The following CEP63 variants were observed in gnomAD, a reference collection of about 807,000 sequenced individuals.
CEP63 encodes centrosomal protein 63, also known as centrosomal protein of 63 kDa.
In CEP63, 84 loss-of-function variants were observed where a neutral mutation model predicts 89.1. The ratio of observed to expected loss-of-function variants is 0.94; its 90% CI spans 0.79 to 1.13. The LOEUF (loss-of-function observed/expected upper bound fraction) is 1.13. CEP63 is among the 50% of genes most tolerant of loss of function. The pLI is 0.00. For missense variants in CEP63, 838 were observed against 813.3 expected, an observed-to-expected ratio of 1.03 and a Z score of -0.37; for synonymous variants, 267 against 272.5, an observed-to-expected ratio of 0.98 and a Z score of 0.20.
At chr3:134,581,129 C>A (rs1233065851) in intron 10 of CEP63, among the ~76,000 whole-genome samples, 4 of 152,160 alleles carry the variant, frequency 2.6e-5, no homozygotes, top group Non-Finnish European at 5.9e-5. Context: ...TCCCATAGAC[C>A]TTCCAGGAAA....
In CEP63 at chr3:134,562,260, G is replaced by T; in HGVS notation, c.*725G>T. ...ACAAAGATCTGGATGTTGATGTGCC[G>T]CAGGCATTTGAAACGATGGGAGTTG... On this transcript the variant is annotated 3_prime_UTR_variant, in exon 15 of 15. Transcript: ENST00000675561. 2.1e-6 allele frequency: 2 copies of T among 968,750 alleles called. No individual in the cohort carries two copies. The highest frequency in any genetic ancestry group is 2.5e-6 in the Non-Finnish European group (2 of 814,456). The allele number at this position is 968,750 out of a possible 1,614,324, so 60.0% of individuals were successfully genotyped here.
At chr3:134,495,189 T>A (rs923926140) in intron 1 of CEP63, 107 bp from the exon 2 acceptor site, 24 of 824,842 alleles carry the variant, frequency 2.9e-5, no homozygotes, top group Non-Finnish European at 4.6e-5. Context: ...AAGTGCTGCA[T>A]TTTTTCATTA....
the CEP63 span, among the ~76,000 whole-genome samples, chr3:134,671,573 T>G: frequency 6.6e-6 from 1 of 152,258 alleles, no homozygotes; most frequent in South Asian, 2.1e-4. Flanking sequence ...TGTGGGTATT[T>G]GTGATATTAC....
chr3:134,605,149 G>T, the CEP63 span, among the ~76,000 whole-genome samples: 1 of 152,114 alleles, frequency 6.6e-6, no homozygotes, highest in African/African-American at 2.4e-5. Context: ...TTGCTCTGAA[G>T]TTTCATCTTC....
the CEP63 span, chr3:134,628,234 C>A: frequency 5.3e-6 from 1 of 187,408 alleles, no homozygotes; most frequent in Admixed American, 5.5e-5. Context: ...AAGGGGAAAG[C>A]AGTTCGTGTG....
chr3:134,489,480 A>G (rs757256878), intron 1 of CEP63, among the ~76,000 whole-genome samples: 3 of 152,164 alleles, frequency 2.0e-5, no homozygotes, highest in Non-Finnish European at 4.4e-5. Flanking sequence ...TGATGTTAAC[A>G]TTAAACATTA....
intron 9 of CEP63, 65 bp downstream of exon 9, chr3:134,547,537 T>G (rs1953703728): frequency 7.6e-7 from 1 of 1,314,268 alleles, no homozygotes; most frequent in African/African-American, 1.5e-5. Flanking sequence ...ATCATCATAT[T>G]GTAAATGAAT....
the CEP63 span, among the ~76,000 whole-genome samples, chr3:134,761,242 T>C: frequency 3.8e-4 from 58 of 152,224 alleles, 1 homozygote; most frequent in Admixed American, 3.8e-3. Flanking sequence ...GCTCTGCCCA[T>C]TTGTTCTCCC....
chr3:134,512,967 A>C (rs1309449474), intron 3 of CEP63, among the ~76,000 whole-genome samples: 1 of 152,184 alleles, frequency 6.6e-6, no homozygotes, highest in Non-Finnish European at 1.5e-5. Context: ...AAACATACCT[A>C]CCATTGATTC....
the CEP63 span, among the ~76,000 whole-genome samples, chr3:134,781,520 G>T: frequency 3.9e-5 from 6 of 152,214 alleles, no homozygotes; most frequent in African/African-American, 1.4e-4. Flanking sequence ...AGGCGGGAGA[G>T]GGTGGTGGGC....
At chr3:134,548,800 A>G (rs1954169512) in intron 9 of CEP63, among the ~76,000 whole-genome samples, 1 of 152,194 alleles carries the variant, frequency 6.6e-6, no homozygotes, top group African/African-American at 2.4e-5. Context: ...TACTTGAGAT[A>G]GTCTTTGTTA....
At chr3:134,731,221 C>A in the CEP63 span, among the ~76,000 whole-genome samples, 1 of 152,246 alleles carries the variant, frequency 6.6e-6, no homozygotes, top group African/African-American at 2.4e-5. Context: ...CAAGTCAACA[C>A]ATGTTTTTAA....
chr3:134,657,781 C>T, the CEP63 span, among the ~76,000 whole-genome samples: 1 of 152,174 alleles, frequency 6.6e-6, no homozygotes, highest in Non-Finnish European at 1.5e-5. Flanking sequence ...TGCCTATTTA[C>T]ACTCATTAGC....
chr3:134,498,441 T>C (rs889934183), intron 2 of CEP63, among the ~76,000 whole-genome samples: 8 of 152,248 alleles, frequency 5.3e-5, no homozygotes, highest in Non-Finnish European at 8.8e-5. Context: ...CTTTATCAGT[T>C]CTAAGACTTT....
chr3:134,701,015 G>A, the CEP63 span, among the ~76,000 whole-genome samples: 1 of 74,318 alleles, frequency 1.3e-5, no homozygotes, highest in Non-Finnish European at 2.8e-5. Context: ...CTATGAGTTA[G>A]TTCTGCTTTT....
the CEP63 span, among the ~76,000 whole-genome samples, chr3:134,700,531 C>G: frequency 6.6e-6 from 1 of 152,272 alleles, no homozygotes; most frequent in African/African-American, 2.4e-5. Context: ...TTTCTACCAC[C>G]CTTATACTGT....
At position 134,562,034 on chromosome 3, in the gene CEP63, A is replaced by G. The variant is rs1384090068; in HGVS notation, c.*499A>G. Reference sequence around the variant, plus strand: ...AGCCCCTCCTAGCCAAGGGGCTGGTAGTGTGTAAAGTCAGGCTGGTAGTGA... The same window carrying G: ...AGCCCCTCCTAGCCAAGGGGCTGGTGGTGTGTAAAGTCAGGCTGGTAGTGA... On this transcript the variant is annotated 3_prime_UTR_variant, in exon 15 of 15. Coordinates refer to ENST00000675561, the MANE Select transcript of CEP63 (RefSeq NM_001353108.3). 4.0e-6 allele frequency: 4 copies of G among 1,008,580 alleles called. No individual in the cohort carries two copies. The highest frequency in any genetic ancestry group is 4.7e-6 in the Non-Finnish European group (4 of 844,232). The allele number at this position is 1,008,580 out of a possible 1,614,324, so 62.5% of individuals were successfully genotyped here. A position where few individuals can be genotyped will look rare whatever the true frequency, so the allele number is the denominator to read the frequency against.
At chr3:134,761,690 C>A in the CEP63 span, among the ~76,000 whole-genome samples, 3 of 152,140 alleles carry the variant, frequency 2.0e-5, no homozygotes, top group African/African-American at 7.2e-5. Context: ...TGGTACAGTA[C>A]TTCAGATTTG....
chr3:134,682,841 G>A, the CEP63 span, among the ~76,000 whole-genome samples: 1 of 152,202 alleles, frequency 6.6e-6, no homozygotes, highest in African/African-American at 2.4e-5. Context: ...ATTAAGTGAT[G>A]CACCTATCAT....
Sources: gnomAD v4.1 joint callset for allele counts (sites outside exome capture counted in the v4.1 genomes callset) on GRCh38, gnomAD v4.1.1 for gene constraint, MANE v1.5 for transcripts, NCBI Gene and HGNC (gene_info 2026-07-23, HGNC 2026-07-21) for gene names.